Variants in TENM3 observed in about 807,000 individuals in gnomAD.
TENM3 encodes the protein teneurin-3.
TENM3 carries 63 observed loss-of-function variants against 255.1 expected under a neutral mutation model. The observed-to-expected ratio is 0.25, with a 90% CI of 0.20 to 0.30. The LOEUF is 0.30. Among genes scored for constraint, TENM3 ranks in the 10% least tolerant of loss-of-function variants. TENM3 has a pLI of 1.00. For missense variants in TENM3, 2,929 were observed against 3,461.1 expected (o/e 0.85, Z 3.86); for synonymous variants, 1,306 against 1,322.3 (o/e 0.99, Z 0.27).
the TENM3 span, among the ~76,000 whole-genome samples, chr4:181,904,976 A>G: frequency 1.3e-4 from 20 of 152,146 alleles, no homozygotes; most frequent in Admixed American, 1.2e-3. Flanking sequence ...GCTGCCATCC[A>G]TGTAAGATGT....
intron 1 of TENM3, among the ~76,000 whole-genome samples, chr4:182,262,886 T>C (rs1270158626): frequency 1.3e-5 from 2 of 152,018 alleles, no homozygotes; most frequent in Non-Finnish European, 2.9e-5. Flanking sequence ...GCTAATTGTT[T>C]GTATTTTTAG....
At chr4:181,965,299 T>C in the TENM3 span, among the ~76,000 whole-genome samples, 1 of 152,196 alleles carries the variant, frequency 6.6e-6, no homozygotes, top group African/African-American at 2.4e-5. Flanking sequence ...CCACAGGACT[T>C]CTTGAGGAGA....
At chr4:182,213,824 CAG>C (rs551993796) in intron 1 of TENM3, among the ~76,000 whole-genome samples, 1 of 152,060 alleles carries the variant, frequency 6.6e-6, no homozygotes. Flanking sequence ...TTTTTTGAGA[CAG>C]AGTCTCCCTC....
rs1307801735 is a variant in TENM3 at position 182,653,695 on chromosome 4, T to C, written c.989-76T>C. 13 of 1,468,556 alleles carry C rather than the reference T, an allele frequency of 8.9e-6. No homozygotes were observed. The East Asian group carries it at 3.2e-4, about 36-fold the overall frequency. The allele number at this position is 1,468,556 out of a possible 1,614,324, so 91.0% of individuals were successfully genotyped here. A position where few individuals can be genotyped will look rare whatever the true frequency, so the allele number is the denominator to read the frequency against. The stretch of plus-strand genomic sequence containing the variant: ...ATTGTAACTTTACATATGACTCTTG[T>C]TTTAAACATGCTTAGCAATTGCCGT... On this transcript the variant is annotated intron_variant, in intron 5 of 27. Transcript: ENST00000511685.
intron 18 of TENM3, among the ~76,000 whole-genome samples, chr4:182,739,603 G>C (rs889069159): frequency 3.3e-5 from 5 of 152,130 alleles, no homozygotes; most frequent in Non-Finnish European, 7.4e-5. Context: ...TATAGCTAAT[G>C]GTCAGTTTTT....
At chr4:182,515,058 A>G (rs931257876) in intron 3 of TENM3, among the ~76,000 whole-genome samples, 2 of 152,222 alleles carry the variant, frequency 1.3e-5, no homozygotes, top group African/African-American at 4.8e-5. Context: ...ATAATTTTTT[A>G]TCCAGACTAA....
intron 1 of TENM3, among the ~76,000 whole-genome samples, chr4:182,289,600 G>GA (rs112750138): frequency 0.028 from 4,244 of 152,266 alleles, 196 homozygotes; most frequent in African/African-American, 0.096. Flanking sequence ...TTGAGCTTAG[G>GA]AAATTAAGAT....
At chr4:181,985,222 A>G in the TENM3 span, among the ~76,000 whole-genome samples, 1 of 151,994 alleles carries the variant, frequency 6.6e-6, no homozygotes, top group African/African-American at 2.4e-5. Flanking sequence ...AAAGAAAAAA[A>G]AAACACATTT....
At chr4:181,825,957 T>C in the TENM3 span, among the ~76,000 whole-genome samples, 289 of 152,320 alleles carry the variant, frequency 1.9e-3, no homozygotes, top group Non-Finnish European at 3.4e-3. Flanking sequence ...TATATTCTAA[T>C]AGTGACCCCA....
chr4:182,066,706 C>A, the TENM3 span, among the ~76,000 whole-genome samples: 2 of 151,296 alleles, frequency 1.3e-5, no homozygotes, highest in Non-Finnish European at 2.9e-5. Flanking sequence ...GTCAGGAGAT[C>A]GAGACCGTCC....
chr4:182,535,524 C>G (rs1035034447), intron 3 of TENM3, among the ~76,000 whole-genome samples: 1 of 151,968 alleles, frequency 6.6e-6, no homozygotes, highest in Non-Finnish European at 1.5e-5. Flanking sequence ...CACTTGAGCC[C>G]AGGAGTTGAA....
At chr4:182,781,341 T>TTA (rs1430087714) in intron 24 of TENM3, among the ~76,000 whole-genome samples, 7 of 147,668 alleles carry the variant, frequency 4.7e-5, no homozygotes, top group Non-Finnish European at 4.5e-5. Context: ...TTGGCTCTGT[T>TTA]TATATGCTGG....
chr4:181,504,887 A>G, the TENM3 span, among the ~76,000 whole-genome samples: 100 of 152,318 alleles, frequency 6.6e-4, no homozygotes, highest in African/African-American at 2.2e-3. Context: ...ATCCCTAATA[A>G]CATCATAAAT....
At chr4:181,702,438 T>C in the TENM3 span, among the ~76,000 whole-genome samples, 1 of 152,198 alleles carries the variant, frequency 6.6e-6, no homozygotes, top group African/African-American at 2.4e-5. Context: ...CTTCTCAAAG[T>C]TTTCTCAATG....
chr4:182,228,394 A>C (rs201102218), intron 1 of TENM3, among the ~76,000 whole-genome samples: 1 of 121,672 alleles, frequency 8.2e-6, no homozygotes, highest in South Asian at 2.5e-4. Flanking sequence ...GTGTGTGTGT[A>C]TATGTAATCC....
intron 13 of TENM3, among the ~76,000 whole-genome samples, chr4:182,728,325 C>G (rs1760394525): frequency 6.6e-6 from 1 of 152,190 alleles, no homozygotes; most frequent in Non-Finnish European, 1.5e-5. Context: ...TGCATTTTCT[C>G]TAAAATATAG....
the TENM3 span, among the ~76,000 whole-genome samples, chr4:181,856,609 A>G: frequency 3.9e-5 from 6 of 152,178 alleles, no homozygotes; most frequent in East Asian, 1.2e-3. Context: ...TAACAAAGTT[A>G]TAAGTGATTT....
At chr4:181,905,656 CTATT>C in the TENM3 span, 1 of 45,692 alleles carries the variant, frequency 2.2e-5, no homozygotes, top group Non-Finnish European at 3.8e-5. Flanking sequence ...ATATGATACA[CTATT>C]TATTTATTTA....
At chr4:181,686,589 G>C in the TENM3 span, among the ~76,000 whole-genome samples, 1 of 152,060 alleles carries the variant, frequency 6.6e-6, no homozygotes, top group Admixed American at 6.6e-5. Context: ...GTAAGACGTG[G>C]CTCCTGGTCT....
Sources: gnomAD v4.1 joint callset for allele counts (sites outside exome capture counted in the v4.1 genomes callset) on GRCh38, gnomAD v4.1.1 for gene constraint, MANE v1.5 for transcripts, NCBI Gene and HGNC (gene_info 2026-07-23, HGNC 2026-07-21) for gene names.